The following UVRAG variants were observed in gnomAD, a reference collection of about 807,000 sequenced individuals.
The protein encoded by UVRAG is UV radiation resistance associated.
Under a neutral mutation model 78.0 loss-of-function variants are expected in UVRAG, and 19 were observed. The observed-to-expected ratio is 0.24, with a 90% CI of 0.17 to 0.36. UVRAG has a LOEUF of 0.36. Ranked by LOEUF, UVRAG falls within the 10% of genes least tolerant of loss-of-function variation. The probability of loss-of-function intolerance (pLI) is 1.00; values close to 1 mark genes in which losing one functional copy is unlikely to be tolerated. For missense variants in UVRAG, 740 were observed against 853.8 expected, an observed-to-expected ratio of 0.87 and a Z score of 1.66; for synonymous variants, 323 against 324.6, an observed-to-expected ratio of 1.00 and a Z score of 0.05.
chr11:76,109,651 A>G (rs77249863), intron 13 of UVRAG, among the ~76,000 whole-genome samples: 2,124 of 152,346 alleles, frequency 0.014, 28 homozygotes, highest in Middle Eastern at 0.037. Flanking sequence ...AGCTTAGTGG[A>G]CACTCAATAA....
chr11:75,996,507 A>G (rs1949710463), intron 8 of UVRAG, among the ~76,000 whole-genome samples: 1 of 152,180 alleles, frequency 6.6e-6, no homozygotes, highest in Admixed American at 6.5e-5. Context: ...GATAATCAGA[A>G]CAACAGGTAC....
intron 1 of UVRAG, 68 bp downstream of exon 1, chr11:75,815,592 C>T: frequency 9.8e-7 from 1 of 1,021,046 alleles, no homozygotes; most frequent in Non-Finnish European, 1.3e-6. Context: ...CTTGCTGGCT[C>T]CGGGCTGACC....
chr11:75,826,003 A>G (rs1945501956), intron 1 of UVRAG, among the ~76,000 whole-genome samples: 1 of 151,610 alleles, frequency 6.6e-6, no homozygotes, highest in African/African-American at 2.4e-5. Flanking sequence ...CGCTCGGCTA[A>G]TTTTTGTAAT....
At chr11:75,909,203 T>A (rs1377368984) in intron 5 of UVRAG, among the ~76,000 whole-genome samples, 1 of 151,940 alleles carries the variant, frequency 6.6e-6, no homozygotes. Flanking sequence ...TAAAATTAGC[T>A]GGGCGTGGTG....
intron 4 of UVRAG, among the ~76,000 whole-genome samples, chr11:75,880,928 CTT>C (rs773034018): frequency 0.06 from 5,263 of 87,330 alleles, 128 homozygotes; most frequent in East Asian, 0.14. Flanking sequence ...TTATTTACTT[CTT>C]TTTTTTTTTT....
At chr11:76,087,573 G>A (rs1471442440) in intron 13 of UVRAG, among the ~76,000 whole-genome samples, 1 of 152,034 alleles carries the variant, frequency 6.6e-6, no homozygotes, top group East Asian at 1.9e-4. Flanking sequence ...AATTCTCCCT[G>A]GTTTACAAAT....
chr11:76,049,012 CTT>C (rs747944774), intron 12 of UVRAG, among the ~76,000 whole-genome samples: 3 of 152,230 alleles, frequency 2.0e-5, no homozygotes, highest in Non-Finnish European at 4.4e-5. Flanking sequence ...AGTATCATAT[CTT>C]ATATAATCAT....
intron 13 of UVRAG, among the ~76,000 whole-genome samples, chr11:76,075,336 C>T (rs546747089): frequency 5.1e-4 from 78 of 152,192 alleles, no homozygotes; most frequent in Middle Eastern, 6.8e-3. Flanking sequence ...TCAGGCCAGG[C>T]GTGGTGGCTC....
At chr11:76,024,715 G>A (rs1472052884) in intron 12 of UVRAG, among the ~76,000 whole-genome samples, 2 of 152,014 alleles carry the variant, frequency 1.3e-5, no homozygotes, top group Non-Finnish European at 1.5e-5. Flanking sequence ...GGAATAACAT[G>A]GATGTATAAA....
intron 13 of UVRAG, among the ~76,000 whole-genome samples, chr11:76,091,006 C>G (rs1169412637): frequency 6.6e-6 from 1 of 152,180 alleles, no homozygotes; most frequent in Non-Finnish European, 1.5e-5. Context: ...TGATGTCTTC[C>G]TCTTTCTCAG....
At chr11:75,964,566 G>T (rs981920890) in intron 7 of UVRAG, among the ~76,000 whole-genome samples, 4 of 152,174 alleles carry the variant, frequency 2.6e-5, no homozygotes, top group African/African-American at 9.7e-5. Context: ...TCCATGATGA[G>T]CATTTTTCAT....
Position 75,856,299 on chromosome 11 carries a change from G to A in UVRAG, c.235+4299G>A, listed in dbSNP as rs1946290459. Reference sequence around the variant, plus strand: ...ATTACAGGCGTGAGCCACCGTGCCCGGCCCTTAAGTTTGTTTTTCATAGTT... The same window carrying A: ...ATTACAGGCGTGAGCCACCGTGCCCAGCCCTTAAGTTTGTTTTTCATAGTT... On this transcript the variant is annotated intron_variant, in intron 2 of 14. Coordinates refer to ENST00000356136, the MANE Select transcript of UVRAG (RefSeq NM_003369.4). 2.6e-5 allele frequency among the ~76,000 whole-genome samples: 4 copies of A among 152,058 alleles called. No homozygotes were observed. In the South Asian group the frequency reaches 8.3e-4, roughly 32 times the overall value.
chr11:75,876,830 T>G (rs1043308204), intron 3 of UVRAG, among the ~76,000 whole-genome samples: 1 of 151,848 alleles, frequency 6.6e-6, no homozygotes, highest in Non-Finnish European at 1.5e-5. Flanking sequence ...AAAGCCCTTA[T>G]GTTTTTTTTT....
At chr11:76,075,789 C>G (rs555134419) in intron 13 of UVRAG, among the ~76,000 whole-genome samples, 1 of 152,150 alleles carries the variant, frequency 6.6e-6, no homozygotes, top group East Asian at 1.9e-4. Context: ...AGCCTACTTT[C>G]TGTTTCTATA....
chr11:75,966,808 T>C (rs1399655996), intron 7 of UVRAG, among the ~76,000 whole-genome samples: 4 of 152,224 alleles, frequency 2.6e-5, no homozygotes, highest in African/African-American at 7.2e-5. Flanking sequence ...GCAATGAACA[T>C]TGGCTCAGAT....
At chr11:75,929,278 A>G (rs970672441) in intron 6 of UVRAG, among the ~76,000 whole-genome samples, 4 of 152,228 alleles carry the variant, frequency 2.6e-5, no homozygotes, top group Non-Finnish European at 5.9e-5. Context: ...ATTATTTGAA[A>G]TAAAATGTCA....
At chr11:75,999,340 G>C (rs1949766627) in intron 8 of UVRAG, among the ~76,000 whole-genome samples, 1 of 151,920 alleles carries the variant, frequency 6.6e-6, no homozygotes, top group South Asian at 2.1e-4. Context: ...ACTGGGAAAA[G>C]GAAGAATTGA....
intron 5 of UVRAG, among the ~76,000 whole-genome samples, chr11:75,892,880 T>C (rs1590984390): frequency 6.6e-6 from 1 of 151,880 alleles, no homozygotes; most frequent in Middle Eastern, 3.4e-3. Context: ...ATCGGAGAAA[T>C]GTAAAAGAAA....
intron 6 of UVRAG, among the ~76,000 whole-genome samples, chr11:75,942,706 C>T (rs559689942): frequency 6.6e-6 from 1 of 152,004 alleles, no homozygotes; most frequent in Non-Finnish European, 1.5e-5. Context: ...GTTTATCAGA[C>T]ACAATACAGG....
Sources: gnomAD v4.1 joint callset for allele counts (sites outside exome capture counted in the v4.1 genomes callset) on GRCh38, gnomAD v4.1.1 for gene constraint, MANE v1.5 for transcripts, NCBI Gene and HGNC (gene_info 2026-07-23, HGNC 2026-07-21) for gene names.